The following MDGA2 variants were observed in gnomAD, a reference collection of about 807,000 sequenced individuals.
MDGA2 encodes the protein MAM domain containing glycosylphosphatidylinositol anchor 2.
A neutral mutation model predicts 117.8 loss-of-function variants in MDGA2; 40 were observed. That is an observed-to-expected ratio of 0.34 (90% confidence interval 0.26 to 0.44). MDGA2 has a LOEUF of 0.44. Among genes scored for constraint, MDGA2 ranks in the 20% least tolerant of loss-of-function variants. The probability of loss-of-function intolerance (pLI) is 1.00; values close to 1 mark genes in which losing one functional copy is unlikely to be tolerated. For missense variants in MDGA2, 1,123 were observed against 1,250.6 expected (o/e 0.90, Z 1.54); for synonymous variants, 452 against 439.0 (o/e 1.03, Z -0.37).
chr14:46,983,610 C>T (rs907093196), intron 8 of MDGA2, among the ~76,000 whole-genome samples: 1 of 152,120 alleles, frequency 6.6e-6, no homozygotes, highest in Admixed American at 6.6e-5. Flanking sequence ...TGTTTAGTCT[C>T]CTTGCTCTGT....
At chr14:47,015,137 TTTAACAG>T (rs1351640598) in intron 8 of MDGA2, among the ~76,000 whole-genome samples, 1 of 152,226 alleles carries the variant, frequency 6.6e-6, no homozygotes, top group East Asian at 1.9e-4. Flanking sequence ...GAACACAATA[TTTAACAG>T]TTAAGTTTGC....
At chr14:47,417,898 G>T (rs1892505723) in intron 1 of MDGA2, among the ~76,000 whole-genome samples, 1 of 151,864 alleles carries the variant, frequency 6.6e-6, no homozygotes, top group Non-Finnish European at 1.5e-5. Flanking sequence ...ATTTTTTATA[G>T]AAGTGGGTTC....
At chr14:46,986,431 T>C (rs1886860911) in intron 8 of MDGA2, among the ~76,000 whole-genome samples, 1 of 151,946 alleles carries the variant, frequency 6.6e-6, no homozygotes, top group East Asian at 1.9e-4. Flanking sequence ...CCACATGAAA[T>C]GGGAAAACAA....
chr14:46,956,463 T>A (rs972609714), intron 9 of MDGA2, among the ~76,000 whole-genome samples: 1 of 152,132 alleles, frequency 6.6e-6, no homozygotes, highest in Non-Finnish European at 1.5e-5. Flanking sequence ...ATCTGTCAGA[T>A]ACAACTCTAC....
At chr14:47,461,190 A>G (rs1184324628) in intron 1 of MDGA2, among the ~76,000 whole-genome samples, 1 of 152,020 alleles carries the variant, frequency 6.6e-6, no homozygotes, top group Non-Finnish European at 1.5e-5. Context: ...GAATAACCCT[A>G]GAGTTTCCTA....
chr14:47,445,792 C>A (rs2416080), intron 1 of MDGA2, among the ~76,000 whole-genome samples: 151,544 of 152,270 alleles, frequency 1, 75,411 homozygotes, highest in East Asian at 1. Context: ...CACCAACTTC[C>A]TTGGATGTCA....
At chr14:47,273,268 A>G (rs990329055) in intron 2 of MDGA2, among the ~76,000 whole-genome samples, 3 of 152,174 alleles carry the variant, frequency 2.0e-5, no homozygotes, top group Non-Finnish European at 2.9e-5. Flanking sequence ...ATTCGTGTCA[A>G]ATTATATTCT....
intron 3 of MDGA2, chr14:47,201,039 A>C (rs1220065707): frequency 2.8e-5 from 32 of 1,123,450 alleles, no homozygotes; most frequent in Non-Finnish European, 4.1e-5. Flanking sequence ...GTTTAGCCAC[A>C]ATGGCCGCCA....
At chr14:47,242,887 G>C (rs936069456) in intron 2 of MDGA2, among the ~76,000 whole-genome samples, 2 of 151,868 alleles carry the variant, frequency 1.3e-5, no homozygotes, top group East Asian at 3.9e-4. Context: ...GGATCCACTA[G>C]GTGAAGCCAG....
chr14:47,168,767 A>G (rs942086752), intron 3 of MDGA2, among the ~76,000 whole-genome samples: 6 of 152,138 alleles, frequency 3.9e-5, no homozygotes, highest in African/African-American at 1.4e-4. Context: ...GTTAAATTAA[A>G]GAAGCTGAAA....
intron 1 of MDGA2, among the ~76,000 whole-genome samples, chr14:47,546,484 C>T (rs1381878506): frequency 1.3e-5 from 2 of 152,116 alleles, no homozygotes; most frequent in Non-Finnish European, 2.9e-5. Context: ...ATTATTGAAG[C>T]AGGCTACAAT....
intron 9 of MDGA2, among the ~76,000 whole-genome samples, chr14:46,934,333 G>A (rs1884700443): frequency 1.3e-5 from 2 of 151,966 alleles, no homozygotes; most frequent in Admixed American, 6.6e-5. Flanking sequence ...TATGGAGCAA[G>A]AAAAACCTTG....
intron 10 of MDGA2, among the ~76,000 whole-genome samples, chr14:46,905,258 G>A (rs1157149166): frequency 6.6e-6 from 1 of 152,134 alleles, no homozygotes; most frequent in Non-Finnish European, 1.5e-5. Flanking sequence ...TTGCAATGGT[G>A]AAATTTTAAG....
chr14:46,933,799 AATATATATATATATATATATATATATAT>A (rs34723414), intron 9 of MDGA2, among the ~76,000 whole-genome samples: 1,900 of 87,352 alleles, frequency 0.022, 81 homozygotes, highest in South Asian at 0.03. Flanking sequence ...TTATGTAACA[AATATATATATATATATATATATATATAT>A]ATATATATAT....
At chr14:47,329,187 C>T (rs1436215087) in intron 1 of MDGA2, among the ~76,000 whole-genome samples, 2 of 151,994 alleles carry the variant, frequency 1.3e-5, no homozygotes, top group African/African-American at 4.8e-5. Flanking sequence ...CTGCCTTGGC[C>T]CCTCAAAGTG....
chr14:47,275,417 C>T (rs115389280), intron 2 of MDGA2, among the ~76,000 whole-genome samples: 4,724 of 152,106 alleles, frequency 0.031, 168 homozygotes, highest in East Asian at 0.18. Flanking sequence ...AGTATATGTG[C>T]TGAAAGAAGG....
At chr14:47,240,568 A>C (rs1349549039) in intron 2 of MDGA2, among the ~76,000 whole-genome samples, 1 of 151,942 alleles carries the variant, frequency 6.6e-6, no homozygotes, top group Non-Finnish European at 1.5e-5. Flanking sequence ...GAAAAGGTAC[A>C]AATTGGAAAT....
intron 2 of MDGA2, among the ~76,000 whole-genome samples, chr14:47,237,977 T>A (rs900810508): frequency 6.6e-6 from 1 of 152,142 alleles, no homozygotes. Flanking sequence ...TCACTCCTGT[T>A]CACCAGGCCC....
chr14:46,895,676 G>A (rs559459145), intron 10 of MDGA2, among the ~76,000 whole-genome samples: 3 of 151,598 alleles, frequency 2.0e-5, no homozygotes, highest in South Asian at 4.2e-4. Context: ...GCAGTGAGCC[G>A]AGATCGCGCC....
Sources: allele counts gnomAD v4.1 joint callset (sites outside exome capture counted in the v4.1 genomes callset), GRCh38; gene constraint gnomAD v4.1.1; transcripts MANE v1.5; gene names NCBI Gene and HGNC (gene_info 2026-07-23, HGNC 2026-07-21).